The following PTPRJ variants were observed in gnomAD, a reference collection of about 807,000 sequenced individuals.
PTPRJ encodes the protein protein tyrosine phosphatase receptor type J.
Under a neutral mutation model 141.3 loss-of-function variants are expected in PTPRJ, and 129 were observed. That is an observed-to-expected ratio of 0.91 (90% CI 0.79 to 1.06). The LOEUF is 1.06. Among genes scored for constraint, PTPRJ ranks in the 50% least tolerant of loss-of-function variants. PTPRJ has a pLI of 0.00. For synonymous variants in PTPRJ, 610 were observed against 640.5 expected (o/e 0.95, Z 0.72); for missense variants, 1,601 against 1,679.7 (o/e 0.95, Z 0.82).
rs533631130 is a variant in PTPRJ at position 48,145,247 on chromosome 11, C to T, written c.2911+123C>T. On this transcript the variant is annotated intron_variant, in intron 14 of 24. Coordinates refer to ENST00000418331, the MANE Select transcript of PTPRJ (RefSeq NM_002843.4). ...GGAGGGTTGGTGTGCCCAGCTCTCC[C>T]CTCCCAGAGGTTGAGATGTCACTGG... The T allele has an allele frequency of 1.6e-4, 225 of 1,367,992 alleles. 1 individual carries two copies. The South Asian group carries it at 2.8e-3, about 17-fold the overall frequency. The allele number at this position is 1,367,992 out of a possible 1,614,324, so 84.7% of individuals were successfully genotyped here.
Position 48,092,657 on chromosome 11 carries a change from T to A in PTPRJ, c.97-17401T>A, listed in dbSNP as rs190578281. ...GTTGGCTAGGCTGGTCTCAAACTCC[T>A]GACCTCAGGTGATCCACCCACCTCA... On this transcript the variant is annotated intron_variant, in intron 1 of 24. Coordinates refer to ENST00000418331, the MANE Select transcript of PTPRJ (RefSeq NM_002843.4). Among the ~76,000 whole-genome samples, 1,044 of 152,326 alleles carry A rather than the reference T, an allele frequency of 6.9e-3. 14 individuals carry two copies. The highest frequency in any genetic ancestry group is 0.024 in the African/African-American group (1,006 of 41,574).
intron 1 of PTPRJ, among the ~76,000 whole-genome samples, chr11:48,086,274 C>T (rs576131419): frequency 8.5e-5 from 13 of 152,214 alleles, no homozygotes; most frequent in East Asian, 1.9e-4. Flanking sequence ...CCCGGTTCAG[C>T]GATTCTCCTG....
intron 1 of PTPRJ, among the ~76,000 whole-genome samples, chr11:48,053,778 T>C (rs1854674100): frequency 1.3e-5 from 2 of 150,128 alleles, no homozygotes; most frequent in Non-Finnish European, 3.0e-5. Flanking sequence ...GGTTTCACCA[T>C]GTTGGCCAGG....
rs183994345 is a variant in PTPRJ at position 48,038,433 on chromosome 11, A to G, written c.96+57425A>G. Among the ~76,000 whole-genome samples, 354 of 152,004 alleles carry G rather than the reference A, an allele frequency of 2.3e-3. 1 individual carries two copies. The highest frequency in any genetic ancestry group is 8.2e-3 in the African/African-American group (338 of 41,414). On this transcript the variant is annotated intron_variant, in intron 1 of 24. Transcript: ENST00000418331. ...TTACTTTGGAGTTTTTTTTCTGATC[A>G]GTTACATGATGGTTTCATCTTTAAG...
At chr11:48,061,595 C>T (rs894061573) in intron 1 of PTPRJ, among the ~76,000 whole-genome samples, 1 of 152,156 alleles carries the variant, frequency 6.6e-6, no homozygotes, top group African/African-American at 2.4e-5. Flanking sequence ...CCTGTTCAGG[C>T]CACACACTAA....
intron 7 of PTPRJ, 77 bp downstream of exon 7, chr11:48,128,120 G>A (rs1856889999): frequency 6.7e-7 from 1 of 1,501,530 alleles, no homozygotes; most frequent in Non-Finnish European, 9.1e-7. Flanking sequence ...GATGCATGAT[G>A]TAGTAATGGT....
In PTPRJ at chr11:48,144,660, G is replaced by A. The variant is rs751856555; in HGVS notation, c.2576-15G>A. On this transcript the variant is annotated splice_polypyrimidine_tract_variant and intron_variant, in intron 12 of 24. Coordinates refer to ENST00000418331, the MANE Select transcript of PTPRJ (RefSeq NM_002843.4). ...ATCACTTTCTTATGATTCTCCTTCT[G>A]TGTACCTTTCTTAGCTGGTCACCCT... 1 of 1,598,964 alleles carries A rather than the reference G, an allele frequency of 6.3e-7. No individual in the cohort carries two copies. Among genetic ancestry groups the A allele is most frequent in the South Asian group, 1.1e-5 (1 of 90,702 alleles).
intron 1 of PTPRJ, among the ~76,000 whole-genome samples, chr11:47,997,475 C>T (rs1460554299): frequency 6.6e-6 from 1 of 152,222 alleles, no homozygotes; most frequent in Non-Finnish European, 1.5e-5. Flanking sequence ...CATCGACTCC[C>T]TTCTCATTCA....
intron 1 of PTPRJ, among the ~76,000 whole-genome samples, chr11:48,062,309 C>T (rs894668176): frequency 6.6e-6 from 1 of 151,936 alleles, no homozygotes; most frequent in Non-Finnish European, 1.5e-5. Context: ...GTCAGGAGAT[C>T]GAGACCATCC....
At chr11:47,993,679 C>T (rs886513411) in intron 1 of PTPRJ, among the ~76,000 whole-genome samples, 48 of 152,138 alleles carry the variant, frequency 3.2e-4, no homozygotes, top group African/African-American at 1.1e-3. Flanking sequence ...GGTGACTCAG[C>T]TCAGCCCTGC....
At chr11:48,046,902 ATATATATATATTTTTT>A (rs1421232358) in intron 1 of PTPRJ, among the ~76,000 whole-genome samples, 22 of 87,326 alleles carry the variant, frequency 2.5e-4, no homozygotes, top group African/African-American at 1.2e-3. Flanking sequence ...ATATATATAT[ATATATATATATTTTTT>A]TTTTTTTTTT....
At position 48,133,362 on chromosome 11, in the gene PTPRJ, A is replaced by G. The variant is rs35430538; in HGVS notation, c.1615+2646A>G. On this transcript the variant is annotated intron_variant, in intron 8 of 24. Transcript: ENST00000418331. ...GTGAATATTCTTTCCTCTTAATATC[A>G]GTATTTCTACAGGGTAATTTTAACA... is the stretch of plus-strand genomic sequence containing the variant. Among the ~76,000 whole-genome samples the G allele has an allele frequency of 8.4e-3, 1,285 of 152,288 alleles. 4 individuals carry two copies. Among genetic ancestry groups the G allele is most frequent in the Middle Eastern group, 0.024 (7 of 294 alleles).
chr11:48,159,900 T>C, intron 21 of PTPRJ, 30 bp from the exon 22 acceptor site: 1 of 1,612,354 alleles, frequency 6.2e-7, no homozygotes, highest in South Asian at 1.1e-5. Context: ...ATGATCTGAG[T>C]CTTCTTATAA....
At chr11:48,139,240 C>G (rs1233568679) in intron 10 of PTPRJ, among the ~76,000 whole-genome samples, 1 of 152,196 alleles carries the variant, frequency 6.6e-6, no homozygotes, top group South Asian at 2.1e-4. Flanking sequence ...TTCCAGGCGT[C>G]TTTCTTGGTG....
chr11:47,997,635 C>G (rs185211271), intron 1 of PTPRJ, among the ~76,000 whole-genome samples: 1 of 152,094 alleles, frequency 6.6e-6, no homozygotes, highest in Non-Finnish European at 1.5e-5. Context: ...AAAGGAACCC[C>G]GTGCTAATGT....
intron 1 of PTPRJ, among the ~76,000 whole-genome samples, chr11:48,053,930 CTTTTTT>C (rs11290681): frequency 5.3e-5 from 5 of 93,960 alleles, no homozygotes; most frequent in Admixed American, 2.4e-4. Flanking sequence ...GCACCTCGTT[CTTTTTT>C]TTTTTTTTTT....
intron 1 of PTPRJ, among the ~76,000 whole-genome samples, chr11:48,093,932 T>C (rs1269937174): frequency 6.6e-6 from 1 of 152,092 alleles, no homozygotes; most frequent in Non-Finnish European, 1.5e-5. Flanking sequence ...GACAGACACA[T>C]GATTGTGGTT....
chr11:48,156,161 A>AC lies in PTPRJ; in HGVS notation c.3438+42_3438+43insC, dbSNP rs756606550. 5.4e-6 allele frequency: 8 copies of AC among 1,479,300 alleles called. No individual in the cohort carries two copies. In the East Asian group the frequency reaches 1.9e-4, roughly 35 times the overall value. The allele number at this position is 1,479,300 out of a possible 1,614,324, so 91.6% of individuals were successfully genotyped here. The stretch of plus-strand genomic sequence containing the variant: ...GTTTTTAAAATTTAAAATTACATTA[A>AC]TTGCTTTTTATTGTGGCAGAAGGGT... On this transcript the variant is annotated intron_variant, in intron 21 of 24. Transcript: ENST00000418331.
intron 19 of PTPRJ, among the ~76,000 whole-genome samples, chr11:48,154,584 C>T (rs1488192195): frequency 1.3e-5 from 2 of 152,132 alleles, no homozygotes; most frequent in African/African-American, 4.8e-5. Context: ...CAGATTGTAG[C>T]CATGTTCTGA....
Sources: gnomAD v4.1 joint callset for allele counts (sites outside exome capture counted in the v4.1 genomes callset) on GRCh38, gnomAD v4.1.1 for gene constraint, MANE v1.5 for transcripts, NCBI Gene and HGNC (gene_info 2026-07-23, HGNC 2026-07-21) for gene names.